Variants in CACNA2D4 observed in about 807,000 individuals in gnomAD.
The protein encoded by CACNA2D4 is calcium voltage-gated channel auxiliary subunit alpha2delta 4, also known as voltage-dependent calcium channel subunit alpha-2/delta-4.
Under a neutral mutation model 163.8 loss-of-function variants are expected in CACNA2D4, and 157 were observed. The observed-to-expected ratio is 0.96, with a 90% CI of 0.84 to 1.09. The LOEUF (loss-of-function observed/expected upper bound fraction) is 1.09, where lower values mean the gene tolerates loss of function less well. Among genes scored for constraint, CACNA2D4 ranks in the 50% least tolerant of loss-of-function variants. The probability of loss-of-function intolerance (pLI) is 0.00; values close to 1 mark genes in which losing one functional copy is unlikely to be tolerated. For synonymous variants in CACNA2D4, 598 were observed against 586.9 expected, an observed-to-expected ratio of 1.02 and a Z score of -0.27; for missense variants, 1,410 against 1,479.9, an observed-to-expected ratio of 0.95 and a Z score of 0.78.
intron 26 of CACNA2D4, 72 bp downstream of exon 26, chr12:1,840,667 G>T: frequency 7.7e-7 from 1 of 1,301,330 alleles, no homozygotes. Context: ...AGGGCCTTCT[G>T]CTGTGATCTA....
At chr12:1,831,924 G>T (rs950356087) in intron 26 of CACNA2D4, among the ~76,000 whole-genome samples, 1 of 152,178 alleles carries the variant, frequency 6.6e-6, no homozygotes, top group Non-Finnish European at 1.5e-5. Flanking sequence ...GAAGGAGGGA[G>T]AAAAACAGCT....
chr12:1,874,338 G>T lies in CACNA2D4; in HGVS notation c.1878+266C>A, dbSNP rs1411328480. 6.6e-6 allele frequency among the ~76,000 whole-genome samples: 1 copy of T among 152,190 alleles called. No individual in the cohort carries two copies. Among genetic ancestry groups the T allele is most frequent in the African/African-American group, 2.4e-5 (1 of 41,440 alleles). ...CAGGCAGCATAAGGAGGAAAGAAGAGCTGTAAATGCCTTGGCCAGCTTTCT... is the reference window on the plus strand; with the variant it reads ...CAGGCAGCATAAGGAGGAAAGAAGATCTGTAAATGCCTTGGCCAGCTTTCT... On this transcript the variant is annotated intron_variant, in intron 18 of 37. Coordinates refer to ENST00000382722, the MANE Select transcript of CACNA2D4 (RefSeq NM_172364.5). The surrounding 1 kb of genome is among the most constrained non-coding windows in gnomAD (Gnocchi z 4.4).
At chr12:1,856,868 A>C (rs1340211800) in intron 20 of CACNA2D4, among the ~76,000 whole-genome samples, 1 of 152,122 alleles carries the variant, frequency 6.6e-6, no homozygotes, top group Non-Finnish European at 1.5e-5. Context: ...CAAGGAGGGG[A>C]TGACAGAAAG....
intron 18 of CACNA2D4, among the ~76,000 whole-genome samples, chr12:1,862,752 T>A (rs1326476492): frequency 6.6e-6 from 1 of 152,240 alleles, no homozygotes; most frequent in Non-Finnish European, 1.5e-5. Context: ...TGATGACTAA[T>A]GTTGAGCATC....
At chr12:1,813,953 T>C (rs1187696337) in intron 26 of CACNA2D4, among the ~76,000 whole-genome samples, 2 of 152,204 alleles carry the variant, frequency 1.3e-5, no homozygotes, top group Non-Finnish European at 2.9e-5. Flanking sequence ...TCTCTTCTCC[T>C]TCTTTTCCCT....
intron 19 of CACNA2D4, 126 bp downstream of exon 19, chr12:1,860,019 A>C (rs1241674881): frequency 1.4e-6 from 1 of 729,638 alleles, no homozygotes; most frequent in African/African-American, 1.8e-5. Flanking sequence ...AAGCAGGTCT[A>C]CACCTCAAGT....
chr12:1,798,044 G>T lies in CACNA2D4; in HGVS notation c.2996-509C>A, dbSNP rs1287625454. Among the ~76,000 whole-genome samples, 6 of 152,214 alleles carry T rather than the reference G, an allele frequency of 3.9e-5. No individual in the cohort carries two copies. The highest frequency in any genetic ancestry group is 7.4e-5 in the Non-Finnish European group (5 of 68,022). ...CCCATTGAGCCTGAGCGCCTGCGGT[G>T]GGGGCAGCCGGGCAGGTGGGCTCCA... On this transcript the variant is annotated intron_variant, in intron 34 of 37. Transcript: ENST00000382722. This position sits in a 1 kb window ranked among gnomAD's most constrained non-coding sequence, Gnocchi z 4.3.
chr12:1,804,409 A>G (rs1314306151), intron 29 of CACNA2D4, among the ~76,000 whole-genome samples: 2 of 152,216 alleles, frequency 1.3e-5, no homozygotes, highest in African/African-American at 2.4e-5. Flanking sequence ...TCCTAATTCT[A>G]GGCTTATTCA....
intron 18 of CACNA2D4, among the ~76,000 whole-genome samples, chr12:1,864,671 G>C (rs937900635): frequency 6.6e-6 from 1 of 152,176 alleles, no homozygotes; most frequent in Non-Finnish European, 1.5e-5. Context: ...GGATCGGCGT[G>C]TTGTTCTCGC....
chr12:1,884,491 G>A (rs921955880), intron 11 of CACNA2D4, among the ~76,000 whole-genome samples, 170 bp from the exon 12 acceptor site: 1 of 152,176 alleles, frequency 6.6e-6, no homozygotes, highest in Non-Finnish European at 1.5e-5. Flanking sequence ...GGGCCATGGG[G>A]ACTGCGGGTA....
intron 6 of CACNA2D4, among the ~76,000 whole-genome samples, chr12:1,889,467 G>A (rs908615077): frequency 1.3e-5 from 2 of 152,128 alleles, no homozygotes; most frequent in Admixed American, 6.5e-5. Context: ...TGTTGACTGA[G>A]TAGAGAGCAA....
intron 26 of CACNA2D4, among the ~76,000 whole-genome samples, chr12:1,821,525 C>T (rs77304298): frequency 6.6e-6 from 1 of 152,190 alleles, no homozygotes; most frequent in East Asian, 1.9e-4. Flanking sequence ...ACCAGGCCCG[C>T]GAGAACCTGC....
At chr12:1,826,797 G>A (rs60072629) in intron 26 of CACNA2D4, among the ~76,000 whole-genome samples, 20,638 of 152,264 alleles carry the variant, frequency 0.14, 1,752 homozygotes, top group Admixed American at 0.21. Context: ...GGACCAGAGG[G>A]GAGAAGATGG....
At chr12:1,807,998 T>C (rs1007334749) in intron 29 of CACNA2D4, among the ~76,000 whole-genome samples, 5 of 152,158 alleles carry the variant, frequency 3.3e-5, no homozygotes, top group African/African-American at 1.2e-4. Context: ...ACAAATACAT[T>C]ATAAAATATA....
rs1020856881 is a variant in CACNA2D4, at chr12:1,917,184, T to C, written c.227+1063A>G. ...GTGAACTTGGGGAAGTCACCTGACC[T>C]CTCGGGGCCTCTGTTTCCTCAGCTG... On this transcript the variant is annotated intron_variant, in intron 1 of 37. Coordinates refer to ENST00000382722, the MANE Select transcript of CACNA2D4 (RefSeq NM_172364.5). The surrounding 1 kb of genome is among the most constrained non-coding windows in gnomAD (Gnocchi z 4.3). Among the ~76,000 whole-genome samples the C allele has an allele frequency of 6.6e-6, 1 of 152,088 alleles. No homozygotes were observed. Among genetic ancestry groups the C allele is most frequent in the Non-Finnish European group, 1.5e-5 (1 of 68,018 alleles).
chr12:1,823,993 TGA>T (rs1362004026), intron 26 of CACNA2D4, among the ~76,000 whole-genome samples: 1 of 152,198 alleles, frequency 6.6e-6, no homozygotes, highest in African/African-American at 2.4e-5. Flanking sequence ...TAACTTTAGG[TGA>T]GTTATTTCAT....
intron 23 of CACNA2D4, among the ~76,000 whole-genome samples, chr12:1,849,843 A>T (rs1296641620): frequency 6.6e-6 from 1 of 152,148 alleles, no homozygotes; most frequent in Non-Finnish European, 1.5e-5. Context: ...AGCAGTGGAG[A>T]TATTATTCAT....
chr12:1,801,465 C>G, intron 30 of CACNA2D4, 109 bp downstream of exon 30: 1 of 932,774 alleles, frequency 1.1e-6, no homozygotes, highest in Non-Finnish European at 1.7e-6. Flanking sequence ...TTTGGGGGCA[C>G]CCACTGTGGG....
chr12:1,797,661 T>A, intron 34 of CACNA2D4, 126 bp from the exon 35 acceptor site: 1 of 729,736 alleles, frequency 1.4e-6, no homozygotes, highest in Non-Finnish European at 2.4e-6. Context: ...CAGGCAGTTC[T>A]CAGGACACGC....
Sources: gnomAD v4.1 joint callset for allele counts (sites outside exome capture counted in the v4.1 genomes callset) on GRCh38, gnomAD v4.1.1 for gene constraint, Gnocchi (gnomAD v3.1) non-coding constraint, MANE v1.5 for transcripts, NCBI Gene and HGNC (gene_info 2026-07-23, HGNC 2026-07-21) for gene names.